The following PDE1A variants were observed in gnomAD, a reference collection of about 807,000 sequenced individuals.
PDE1A encodes the protein dual specificity calcium/calmodulin-dependent 3',5'-cyclic nucleotide phosphodiesterase 1A.
Under a neutral mutation model 61.7 loss-of-function variants are expected in PDE1A, and 35 were observed. The observed-to-expected ratio is 0.57, with a 90% CI of 0.43 to 0.75. The LOEUF (loss-of-function observed/expected upper bound fraction) is 0.75, where lower values mean the gene tolerates loss of function less well. PDE1A is among the 30% of genes least tolerant of loss of function. PDE1A has a pLI of 0.00. For missense variants in PDE1A, 597 were observed against 630.6 expected, an observed-to-expected ratio of 0.95 and a Z score of 0.57; for synonymous variants, 232 against 213.2, an observed-to-expected ratio of 1.09 and a Z score of -0.77.
At chr2:182,408,089 A>AC (rs1185849079) in intron 1 of PDE1A, among the ~76,000 whole-genome samples, 5 of 149,556 alleles carry the variant, frequency 3.3e-5, no homozygotes, top group African/African-American at 1.2e-4. Context: ...GGGAGATCTT[A>AC]CCCCACTGCC....
chr2:182,327,521 G>A (rs1324781434), intron 1 of PDE1A, among the ~76,000 whole-genome samples: 1 of 152,188 alleles, frequency 6.6e-6, no homozygotes, highest in Non-Finnish European at 1.5e-5. Flanking sequence ...ATCAACAGAA[G>A]TCATTGAGAT....
At chr2:182,715,012 T>G in the PDE1A span, among the ~76,000 whole-genome samples, 1 of 152,206 alleles carries the variant, frequency 6.6e-6, no homozygotes, top group Non-Finnish European at 1.5e-5. Flanking sequence ...ACCTAAGAGA[T>G]AGAAATCTAT....
the PDE1A span, among the ~76,000 whole-genome samples, chr2:182,606,675 T>C: frequency 1.6e-4 from 25 of 152,266 alleles, no homozygotes; most frequent in Non-Finnish European, 2.4e-4. Flanking sequence ...CAGCAGGTCA[T>C]AAATACCATG....
the PDE1A span, among the ~76,000 whole-genome samples, chr2:182,645,563 T>A: frequency 4.3e-3 from 659 of 152,330 alleles, 5 homozygotes; most frequent in Non-Finnish European, 7.6e-3. Context: ...CTATTTGGAA[T>A]GTTAATGGAG....
chr2:182,439,678 A>G (rs921466608), intron 2 of PDE1A, among the ~76,000 whole-genome samples: 7 of 152,168 alleles, frequency 4.6e-5, no homozygotes, highest in Non-Finnish European at 8.8e-5. Context: ...TCCCATATTC[A>G]GTAAGACAAA....
chr2:182,574,758 C>G, the PDE1A span, among the ~76,000 whole-genome samples: 1 of 152,152 alleles, frequency 6.6e-6, no homozygotes. Context: ...TTGGCACAAC[C>G]TCGGCTCACT....
chr2:182,342,435 G>A (rs562496851), intron 1 of PDE1A, among the ~76,000 whole-genome samples: 4 of 152,330 alleles, frequency 2.6e-5, no homozygotes, highest in African/African-American at 9.6e-5. Flanking sequence ...TGTAATCCCA[G>A]CACCTTGGGA....
chr2:182,314,386 C>T (rs1696193966), intron 1 of PDE1A: 1 of 152,114 alleles, frequency 6.6e-6, no homozygotes. Context: ...ATAGGGTGAC[C>T]TCCTGGGAGT....
chr2:182,247,250 G>A (rs184532667), intron 2 of PDE1A, among the ~76,000 whole-genome samples: 1 of 151,924 alleles, frequency 6.6e-6, no homozygotes, highest in East Asian at 1.9e-4. Context: ...TCACAGGAAA[G>A]AAAACTTAAA....
rs183678888 is a variant in PDE1A at position 182,436,568 on chromosome 2, G to T, written c.101+85708C>A. ...ATTATGAACCCTCATCTTGCTCTAT[G>T]GTACTAGAAAATAATAATTTTCCCT... On this transcript the variant is annotated intron_variant, in intron 2 of 14. Coordinates refer to the PDE1A transcript ENST00000410103. Among the ~76,000 whole-genome samples the T allele has an allele frequency of 2.0e-5, 3 of 151,944 alleles. No homozygotes were observed. In the East Asian group the frequency reaches 5.8e-4, roughly 30 times the overall value.
chr2:182,634,064 T>G, the PDE1A span, among the ~76,000 whole-genome samples: 3 of 151,346 alleles, frequency 2.0e-5, no homozygotes, highest in African/African-American at 7.3e-5. Flanking sequence ...ACTCTAAGCC[T>G]GGATGACAGA....
chr2:182,702,970 G>C, the PDE1A span, among the ~76,000 whole-genome samples: 1 of 152,158 alleles, frequency 6.6e-6, no homozygotes, highest in East Asian at 1.9e-4. Context: ...CTTTCTGAAA[G>C]AATAACCATT....
intron 1 of PDE1A, among the ~76,000 whole-genome samples, chr2:182,331,744 T>A (rs1697424176): frequency 6.6e-6 from 1 of 152,222 alleles, no homozygotes; most frequent in Non-Finnish European, 1.5e-5. Flanking sequence ...CTTCCCTTTG[T>A]GGGTAACCCG....
chr2:182,280,616 C>T (rs1350773969), intron 1 of PDE1A, among the ~76,000 whole-genome samples: 1 of 151,926 alleles, frequency 6.6e-6, no homozygotes, highest in East Asian at 1.9e-4. Context: ...GAGTCCTATG[C>T]CTAGTGACTC....
At chr2:182,420,734 A>G (rs940814111) in intron 1 of PDE1A, among the ~76,000 whole-genome samples, 7 of 152,234 alleles carry the variant, frequency 4.6e-5, no homozygotes, top group African/African-American at 1.7e-4. Context: ...ATGCTTCTAC[A>G]TAACAAAACG....
At chr2:182,686,725 G>C in the PDE1A span, among the ~76,000 whole-genome samples, 1 of 152,226 alleles carries the variant, frequency 6.6e-6, no homozygotes, top group African/African-American at 2.4e-5. Flanking sequence ...CCAAAGCAGG[G>C]CAAGGCATCA....
At chr2:182,422,614 G>A (rs1334938257) in intron 1 of PDE1A, among the ~76,000 whole-genome samples, 1 of 152,170 alleles carries the variant, frequency 6.6e-6, no homozygotes, top group Non-Finnish European at 1.5e-5. Context: ...AGGTGGAAAT[G>A]TCTTCAACAA....
the PDE1A span, among the ~76,000 whole-genome samples, chr2:182,610,406 A>G: frequency 1.3e-5 from 2 of 152,180 alleles, no homozygotes; most frequent in Non-Finnish European, 2.9e-5. Flanking sequence ...GTCCTCCCTC[A>G]GCTCCTACAG....
the PDE1A span, among the ~76,000 whole-genome samples, chr2:182,552,651 G>A: frequency 1.3e-5 from 2 of 151,942 alleles, no homozygotes; most frequent in Admixed American, 6.6e-5. Flanking sequence ...CAATCAGAGC[G>A]CTCACTAAAA....
Sources: allele counts gnomAD v4.1 joint callset (sites outside exome capture counted in the v4.1 genomes callset), GRCh38; gene constraint gnomAD v4.1.1; transcripts MANE v1.5; gene names NCBI Gene and HGNC (gene_info 2026-07-23, HGNC 2026-07-21).